CTNNA3: variants seen among roughly 807,000 people sequenced by gnomAD.
CTNNA3 encodes the protein catenin alpha 3, also known as catenin alpha-3.
A neutral mutation model predicts 95.7 loss-of-function variants in CTNNA3; 76 were observed. That is an observed-to-expected ratio of 0.79 (90% CI 0.66 to 0.96). CTNNA3 has a LOEUF of 0.96. CTNNA3 is among the 40% of genes least tolerant of loss of function. The pLI, the probability that CTNNA3 is intolerant of heterozygous loss-of-function variation, is 0.00. For missense variants in CTNNA3, 1,191 were observed against 1,089.8 expected (o/e 1.09, Z -1.31); for synonymous variants, 431 against 374.4 (o/e 1.15, Z -1.74).
chr10:67,574,807 C>T (rs560745055), intron 3 of CTNNA3, among the ~76,000 whole-genome samples: 1 of 152,250 alleles, frequency 6.6e-6, no homozygotes, highest in South Asian at 2.1e-4. Context: ...TCTCGAACTC[C>T]TGACCTCAGG....
chr10:66,154,719 C>CAT (rs569694429), intron 13 of CTNNA3, among the ~76,000 whole-genome samples: 1,578 of 74,776 alleles, frequency 0.021, 126 homozygotes, highest in Non-Finnish European at 0.025. Flanking sequence ...TGAAAAAGTT[C>CAT]ATATATATAT....
chr10:66,256,774 C>T (rs1311418504), intron 13 of CTNNA3, among the ~76,000 whole-genome samples: 1 of 151,546 alleles, frequency 6.6e-6, no homozygotes, highest in Non-Finnish European at 1.5e-5. Context: ...CAACTAATTA[C>T]ATGGCGACAG....
At chr10:66,403,540 A>G (rs1470354645) in intron 11 of CTNNA3, among the ~76,000 whole-genome samples, 10 of 152,148 alleles carry the variant, frequency 6.6e-5, no homozygotes, top group Non-Finnish European at 1.3e-4. Flanking sequence ...TGAGAGCAGC[A>G]TGGAGGGAAC....
chr10:67,330,865 C>T (rs1244796344), intron 5 of CTNNA3, among the ~76,000 whole-genome samples: 1 of 152,152 alleles, frequency 6.6e-6, no homozygotes, highest in Non-Finnish European at 1.5e-5. Context: ...GCAATTACGG[C>T]AATTTGTTAA....
At chr10:66,868,978 A>G (rs768895648) in intron 7 of CTNNA3, among the ~76,000 whole-genome samples, 3 of 152,110 alleles carry the variant, frequency 2.0e-5, no homozygotes, top group Non-Finnish European at 4.4e-5. Context: ...AAGAGACAAA[A>G]TGTAAATTCA....
intron 11 of CTNNA3, among the ~76,000 whole-genome samples, chr10:66,448,222 G>A (rs1427122884): frequency 1.3e-5 from 2 of 152,142 alleles, no homozygotes; most frequent in East Asian, 1.9e-4. Flanking sequence ...CTTTTACACT[G>A]TTGGTGGGAC....
chr10:66,383,053 A>C (rs938361496), intron 11 of CTNNA3, among the ~76,000 whole-genome samples: 1 of 152,138 alleles, frequency 6.6e-6, no homozygotes, highest in African/African-American at 2.4e-5. Context: ...AAGGATCGCA[A>C]CTCCTCACCA....
At chr10:67,155,914 C>A (rs1861292986) in intron 7 of CTNNA3, among the ~76,000 whole-genome samples, 1 of 152,046 alleles carries the variant, frequency 6.6e-6, no homozygotes, top group Non-Finnish European at 1.5e-5. Context: ...GAGAAGCTAT[C>A]TGATCTTGGG....
intron 5 of CTNNA3, among the ~76,000 whole-genome samples, chr10:67,426,094 T>C (rs1845914225): frequency 1.3e-5 from 2 of 151,938 alleles, no homozygotes; most frequent in African/African-American, 2.4e-5. Context: ...TGTTCAGAGA[T>C]CAGCAAGAAT....
intron 7 of CTNNA3, among the ~76,000 whole-genome samples, chr10:66,977,065 T>C (rs1850079004): frequency 6.6e-6 from 1 of 152,178 alleles, no homozygotes; most frequent in African/African-American, 2.4e-5. Flanking sequence ...TCTAAAATAA[T>C]GACCTAATAT....
At chr10:66,124,869 A>T (rs2082741792) in intron 13 of CTNNA3, among the ~76,000 whole-genome samples, 1 of 152,194 alleles carries the variant, frequency 6.6e-6, no homozygotes, top group African/African-American at 2.4e-5. Flanking sequence ...GGTTCCTCCG[A>T]TGACACATGG....
chr10:66,900,513 G>A (rs577372390), intron 7 of CTNNA3, among the ~76,000 whole-genome samples: 52 of 152,290 alleles, frequency 3.4e-4, no homozygotes, highest in Non-Finnish European at 5.7e-4. Context: ...AAAGCTGGAC[G>A]GAGAATGACT....
Position 67,258,391 on chromosome 10 carries a change from G to A in CTNNA3, c.580-38521C>T, listed in dbSNP as rs182819949. ...ATTCCTGACCTCAGGTAATCCACTC[G>A]CCATGACCTCCCAAAGTGCTGCGAT... On this transcript the variant is annotated intron_variant, in intron 5 of 17. Transcript: ENST00000433211. Among the ~76,000 whole-genome samples the A allele has an allele frequency of 7.9e-4, 120 of 152,108 alleles. 1 individual carries two copies. Among genetic ancestry groups the A allele is most frequent in the African/African-American group, 2.8e-3 (116 of 41,488 alleles).
intron 3 of CTNNA3, among the ~76,000 whole-genome samples, chr10:67,549,146 A>T (rs540407795): frequency 1.8e-4 from 27 of 152,148 alleles, no homozygotes; most frequent in Non-Finnish European, 3.5e-4. Context: ...AAGGCTAAAA[A>T]CATACCTGCA....
intron 5 of CTNNA3, among the ~76,000 whole-genome samples, chr10:67,300,908 C>T (rs1327828100): frequency 6.6e-6 from 1 of 152,070 alleles, no homozygotes; most frequent in Non-Finnish European, 1.5e-5. Context: ...TCAGCATCTG[C>T]CTGTGAGACA....
intron 11 of CTNNA3, among the ~76,000 whole-genome samples, chr10:66,455,801 C>T (rs917981857): frequency 6.6e-6 from 1 of 152,182 alleles, no homozygotes; most frequent in African/African-American, 2.4e-5. Flanking sequence ...CTTGAATTAT[C>T]TTCTGAGCAA....
chr10:66,033,463 C>T (rs1179289933), intron 15 of CTNNA3, among the ~76,000 whole-genome samples: 2 of 151,928 alleles, frequency 1.3e-5, no homozygotes, highest in African/African-American at 4.8e-5. Context: ...GGATTCTAAA[C>T]CTTTTTTTTA....
intron 13 of CTNNA3, among the ~76,000 whole-genome samples, chr10:66,276,784 GTAA>G (rs1392472601): frequency 6.6e-6 from 1 of 151,950 alleles, no homozygotes; most frequent in Non-Finnish European, 1.5e-5. Flanking sequence ...ACTCTATGTG[GTAA>G]TAATAGTAGT....
chr10:66,486,818 T>TACACAC (rs373131708), intron 11 of CTNNA3, among the ~76,000 whole-genome samples: 2,238 of 140,858 alleles, frequency 0.016, 49 homozygotes, highest in East Asian at 0.067. Context: ...GATGAACAAA[T>TACACAC]ACACACACAC....
Sources: gnomAD v4.1 joint callset for allele counts (sites outside exome capture counted in the v4.1 genomes callset) on GRCh38, gnomAD v4.1.1 for gene constraint, MANE v1.5 for transcripts, NCBI Gene and HGNC (gene_info 2026-07-23, HGNC 2026-07-21) for gene names.